NSMAF: variants seen among roughly 807,000 people sequenced by gnomAD.
The protein encoded by NSMAF is neutral sphingomyelinase activation associated factor.
A neutral mutation model predicts 134.9 loss-of-function variants in NSMAF; 90 were observed. That is an observed-to-expected ratio of 0.67 (90% confidence interval 0.56 to 0.79). NSMAF has a LOEUF of 0.79. Ranked by LOEUF, NSMAF falls within the 30% of genes least tolerant of loss-of-function variation. The pLI is 0.00. For synonymous variants in NSMAF, 358 were observed against 389.6 expected (o/e 0.92, Z 0.96); for missense variants, 1,010 against 1,119.0 (o/e 0.90, Z 1.39).
intron 5 of NSMAF, among the ~76,000 whole-genome samples, chr8:58,632,322 A>G (rs981116420): frequency 6.6e-6 from 1 of 152,086 alleles, no homozygotes; most frequent in African/African-American, 2.4e-5. Flanking sequence ...GGCTGTCTGT[A>G]CCTTCCCTTG....
chr8:58,635,835 G>A (rs908810574), intron 2 of NSMAF, among the ~76,000 whole-genome samples: 1 of 152,164 alleles, frequency 6.6e-6, no homozygotes, highest in Non-Finnish European at 1.5e-5. Flanking sequence ...GAAACTTAAT[G>A]AATCCAGAAA....
intron 14 of NSMAF, 119 bp from the exon 15 acceptor site, chr8:58,601,654 T>C: frequency 7.5e-7 from 1 of 1,332,726 alleles, no homozygotes; most frequent in Non-Finnish European, 9.9e-7. Context: ...TTAATTTCTC[T>C]GTTAGATAAG....
At chr8:58,648,637 G>A (rs1807514227) in intron 1 of NSMAF, among the ~76,000 whole-genome samples, 1 of 152,210 alleles carries the variant, frequency 6.6e-6, no homozygotes, top group African/African-American at 2.4e-5. Flanking sequence ...ATACAGCCTA[G>A]GGACACTGCT....
At chr8:58,596,725 C>G (rs928568507) in intron 21 of NSMAF, among the ~76,000 whole-genome samples, 1 of 152,014 alleles carries the variant, frequency 6.6e-6, no homozygotes, top group Non-Finnish European at 1.5e-5. Flanking sequence ...GTCAGGAGAT[C>G]GAGACCATCC....
At chr8:58,627,456 A>T (rs1318917356) in intron 6 of NSMAF, among the ~76,000 whole-genome samples, 1 of 152,208 alleles carries the variant, frequency 6.6e-6, no homozygotes, top group Non-Finnish European at 1.5e-5. Flanking sequence ...TTACCTAGAA[A>T]ACTCTAAAGA....
rs753476022 is a variant in NSMAF, at chr8:58,586,509, G to T, written c.2395C>A (p.His799Asn). 37 of 1,613,920 alleles carry T rather than the reference G, an allele frequency of 2.3e-5. No homozygotes were observed. The highest frequency in any genetic ancestry group is 3.1e-5 in the Non-Finnish European group (36 of 1,179,960). ...ATCCCTGAATGGCATGGAATCTGGT[G>T]CATTAAGGTGGCCGTTGTGAGGTCC... ...IWDLTTATLM[H>N]QIPCHSGIVC... Residue 799 changes from histidine to asparagine, a missense_variant, in exon 28 of 31, where the codon CAC (histidine) becomes AAC (asparagine). Coordinates refer to ENST00000038176, the MANE Select transcript of NSMAF (RefSeq NM_003580.4).
intron 10 of NSMAF, 78 bp from the exon 11 acceptor site, chr8:58,607,918 A>G (rs538164551): frequency 1.2e-5 from 13 of 1,043,644 alleles, no homozygotes; most frequent in Admixed American, 5.8e-5. Context: ...CAGAAAGGGG[A>G]AAAAAAAATC....
At chr8:58,643,534 C>CTTT (rs71767302) in intron 1 of NSMAF, among the ~76,000 whole-genome samples, 1 of 140,990 alleles carries the variant, frequency 7.1e-6, no homozygotes. Flanking sequence ...AGGGACAGAT[C>CTTT]TTTTTTTTTT....
At chr8:58,636,975 G>A (rs1351218205) in intron 2 of NSMAF, among the ~76,000 whole-genome samples, 1 of 151,938 alleles carries the variant, frequency 6.6e-6, no homozygotes, top group Non-Finnish European at 1.5e-5. Flanking sequence ...ACAAAAATGA[G>A]TTGTTGTCTT....
At chr8:58,626,093 T>TCG (rs1806923716) in intron 6 of NSMAF, among the ~76,000 whole-genome samples, 1 of 117,096 alleles carries the variant, frequency 8.5e-6, no homozygotes, top group African/African-American at 3.2e-5. Context: ...ATATAATTCT[T>TCG]TTTTTTTTTT....
At position 58,609,682 on chromosome 8, in the gene NSMAF, C is replaced by T. The variant is rs1487457752; in HGVS notation, c.609G>A (p.Val203=). The part of the protein sequence containing the change: ...KLHMECKAEM[V]TPLVTNPGHV... ...GTCCAGGATTAGTCACCAGAGGCGT[C>T]ACCATTTCTGCTTTGCATTCCATGT... Residue 203 remains valine, a synonymous_variant, in exon 10 of 31, where the codon GTG becomes GTA. Transcript: ENST00000038176. 1 of 1,614,192 alleles carries T rather than the reference C, an allele frequency of 6.2e-7. No individual in the cohort carries two copies. The highest frequency in any genetic ancestry group is 1.7e-5 in the Admixed American group (1 of 60,026).
intron 6 of NSMAF, among the ~76,000 whole-genome samples, chr8:58,629,672 T>C (rs908269267): frequency 6.6e-6 from 1 of 152,228 alleles, no homozygotes; most frequent in East Asian, 1.9e-4. Flanking sequence ...CTCTAAGGAC[T>C]GGCTTCATAC....
chr8:58,595,554 TCTTA>T lies in NSMAF; in HGVS notation c.1892+2_1892+5del, dbSNP rs1339846011. 22 of 1,595,256 alleles carry T rather than the reference TCTTA, an allele frequency of 1.4e-5. 1 individual carries two copies. The highest frequency in any genetic ancestry group is 1.9e-5 in the Non-Finnish European group (22 of 1,162,758). On this transcript the variant is annotated splice_donor_variant and splice_donor_5th_base_variant and intron_variant, in intron 22 of 30. Coordinates refer to ENST00000038176, the MANE Select transcript of NSMAF (RefSeq NM_003580.4). LOFTEE classifies it high-confidence loss of function. ...AGCTGCTGAGAAGAAGCAGAGATAT[TCTTA>T]CTCTTTGTGGATTTTATAGTGCTCG...
At chr8:58,636,713 C>T (rs1807181341) in intron 2 of NSMAF, among the ~76,000 whole-genome samples, 1 of 152,188 alleles carries the variant, frequency 6.6e-6, no homozygotes. Flanking sequence ...ATGGGAATGC[C>T]TGTGTTCCAG....
At chr8:58,586,267 T>G in intron 28 of NSMAF, 191 bp downstream of exon 28, 2 of 635,820 alleles carry the variant, frequency 3.1e-6, no homozygotes, top group Admixed American at 2.9e-5. Context: ...CCGGCTTTTC[T>G]ACCTGATACA....
At chr8:58,645,548 A>G (rs1430320051) in intron 1 of NSMAF, among the ~76,000 whole-genome samples, 4 of 152,166 alleles carry the variant, frequency 2.6e-5, no homozygotes, top group African/African-American at 7.2e-5. Context: ...ACAGAATTAA[A>G]TGCTTCACAT....
At chr8:58,623,165 TA>T (rs1329202339) in intron 9 of NSMAF, 54 bp downstream of exon 9, 2 of 1,331,506 alleles carry the variant, frequency 1.5e-6, no homozygotes, top group African/African-American at 2.9e-5. Context: ...GAATGAGGCA[TA>T]CAGATGAAAA....
intron 28 of NSMAF, 87 bp downstream of exon 28, chr8:58,586,371 T>G (rs1805885097): frequency 2.3e-6 from 3 of 1,318,054 alleles, no homozygotes; most frequent in African/African-American, 3.1e-5. Context: ...TTGTAAGTTT[T>G]ATTGTTTATT....
chr8:58,584,805 A>G (rs1189835189), intron 30 of NSMAF, among the ~76,000 whole-genome samples: 12 of 151,946 alleles, frequency 7.9e-5, no homozygotes, highest in Admixed American at 7.9e-4. Context: ...CTTTTCTAAT[A>G]TTTCTGGTTT....
Sources: allele counts gnomAD v4.1 joint callset (sites outside exome capture counted in the v4.1 genomes callset), GRCh38; gene constraint gnomAD v4.1.1; transcripts MANE v1.5; gene names NCBI Gene and HGNC (gene_info 2026-07-23, HGNC 2026-07-21).